PDZRN4: variants seen among roughly 807,000 people sequenced by gnomAD.
PDZRN4 encodes PDZ domain containing ring finger 4.
A neutral mutation model predicts 99.0 loss-of-function variants in PDZRN4; 70 were observed. The ratio of observed to expected loss-of-function variants is 0.71; its 90% CI spans 0.58 to 0.86. PDZRN4 has a LOEUF of 0.86. Among genes scored for constraint, PDZRN4 ranks in the 40% least tolerant of loss-of-function variants. The pLI is 0.00. For synonymous variants in PDZRN4, 551 were observed against 501.6 expected (o/e 1.10, Z -1.32); for missense variants, 1,474 against 1,331.2 (o/e 1.11, Z -1.67).
chr12:41,378,618 G>A (rs1487222422), intron 3 of PDZRN4, among the ~76,000 whole-genome samples: 1 of 147,286 alleles, frequency 6.8e-6, no homozygotes, highest in Non-Finnish European at 1.5e-5. Context: ...TGCCTCCCAG[G>A]TTCAAGCAAT....
chr12:41,312,476 G>A (rs1357728354), intron 3 of PDZRN4, among the ~76,000 whole-genome samples: 1 of 152,060 alleles, frequency 6.6e-6, no homozygotes, highest in Non-Finnish European at 1.5e-5. Context: ...GTATTAGTCT[G>A]TTCTCATGCC....
chr12:41,335,956 G>A (rs769178399), intron 3 of PDZRN4, among the ~76,000 whole-genome samples: 1 of 151,932 alleles, frequency 6.6e-6, no homozygotes, highest in Non-Finnish European at 1.5e-5. Flanking sequence ...TATCATTCTG[G>A]TGCACAGAAC....
intron 8 of PDZRN4, among the ~76,000 whole-genome samples, chr12:41,566,401 T>A (rs568702257): frequency 6.6e-6 from 1 of 152,320 alleles, no homozygotes; most frequent in Non-Finnish European, 1.5e-5. Context: ...TGAAAAAGAT[T>A]AAAGAATGTA....
At chr12:41,513,253 T>C (rs1197434589) in intron 5 of PDZRN4, among the ~76,000 whole-genome samples, 2 of 152,198 alleles carry the variant, frequency 1.3e-5, no homozygotes, top group Admixed American at 6.5e-5. Context: ...TTGGAGATAT[T>C]ATACTCAGTG....
At chr12:41,472,003 C>CTTTTTT (rs71081744) in intron 3 of PDZRN4, among the ~76,000 whole-genome samples, 2 of 140,182 alleles carry the variant, frequency 1.4e-5, no homozygotes, top group Admixed American at 7.2e-5. Flanking sequence ...TTCTATATTA[C>CTTTTTT]TTTTTTTTTT....
intron 3 of PDZRN4, among the ~76,000 whole-genome samples, chr12:41,425,525 A>C (rs1482218065): frequency 6.6e-6 from 1 of 152,152 alleles, no homozygotes; most frequent in Non-Finnish European, 1.5e-5. Context: ...ACACCAATGC[A>C]TAAAGGAGAG....
At chr12:41,449,768 G>T (rs146979613) in intron 3 of PDZRN4, among the ~76,000 whole-genome samples, 1 of 152,186 alleles carries the variant, frequency 6.6e-6, no homozygotes, top group Admixed American at 6.5e-5. Context: ...TAGTAATTGT[G>T]ATGCATCTCC....
intron 3 of PDZRN4, among the ~76,000 whole-genome samples, chr12:41,245,166 G>T (rs1418475521): frequency 3.3e-5 from 5 of 152,078 alleles, no homozygotes; most frequent in Non-Finnish European, 5.9e-5. Context: ...ATCCTCTTGT[G>T]TATTATATAT....
At chr12:41,562,463 A>G (rs1166995845) in intron 7 of PDZRN4, among the ~76,000 whole-genome samples, 1 of 152,134 alleles carries the variant, frequency 6.6e-6, no homozygotes, top group Non-Finnish European at 1.5e-5. Context: ...GTGCTGCTAC[A>G]TTTTCCATCT....
At chr12:41,244,839 C>G (rs1048942273) in intron 3 of PDZRN4, among the ~76,000 whole-genome samples, 9 of 136,110 alleles carry the variant, frequency 6.6e-5, no homozygotes, top group African/African-American at 2.4e-4. Context: ...CGCCCGCCAC[C>G]GCGCCCGGCT....
intron 3 of PDZRN4, among the ~76,000 whole-genome samples, chr12:41,444,306 T>C (rs1952705076): frequency 6.6e-6 from 1 of 151,996 alleles, no homozygotes; most frequent in South Asian, 2.1e-4. Flanking sequence ...GAGGTAAATA[T>C]CCAAGTATAT....
At chr12:41,248,986 T>C (rs76011417) in intron 3 of PDZRN4, among the ~76,000 whole-genome samples, 43 of 152,140 alleles carry the variant, frequency 2.8e-4, no homozygotes, top group African/African-American at 9.4e-4. Flanking sequence ...GCATAGTACT[T>C]AGATAGTTTT....
chr12:41,359,631 T>C (rs1347537412), intron 3 of PDZRN4, among the ~76,000 whole-genome samples: 1 of 151,798 alleles, frequency 6.6e-6, no homozygotes, highest in Admixed American at 6.6e-5. Context: ...TAAATGGGAG[T>C]TCCCCTGCAC....
At chr12:41,356,646 C>A (rs780587872) in intron 3 of PDZRN4, among the ~76,000 whole-genome samples, 3 of 151,876 alleles carry the variant, frequency 2.0e-5, no homozygotes, top group Non-Finnish European at 4.4e-5. Flanking sequence ...ATGTCTGATA[C>A]CATAATTATA....
In PDZRN4 at chr12:41,442,960, G is replaced by A. The variant is rs1952692809; in HGVS notation, c.844-63496G>A. Among the ~76,000 whole-genome samples, 5 of 152,234 alleles carry A rather than the reference G, an allele frequency of 3.3e-5. 1 individual carries two copies. The South Asian group carries it at 1.0e-3, about 32-fold the overall frequency. Reference sequence around the variant, plus strand: ...ACCTCTATTTTATTTGCTAGAATGAGGTGTCTGTTCCTTAAAATCAGAATA... The same window carrying A: ...ACCTCTATTTTATTTGCTAGAATGAAGTGTCTGTTCCTTAAAATCAGAATA... On this transcript the variant is annotated intron_variant, in intron 3 of 9. Transcript: ENST00000402685.
intron 3 of PDZRN4, among the ~76,000 whole-genome samples, chr12:41,392,145 G>A (rs1172053222): frequency 6.6e-6 from 1 of 152,016 alleles, no homozygotes; most frequent in Non-Finnish European, 1.5e-5. Flanking sequence ...CTGTCCTAAA[G>A]GCTTTGCTGT....
At chr12:41,291,785 G>A (rs1291492793) in intron 3 of PDZRN4, among the ~76,000 whole-genome samples, 1 of 152,074 alleles carries the variant, frequency 6.6e-6, no homozygotes, top group Admixed American at 6.6e-5. Context: ...AGGATCTATG[G>A]CAGGGTGGGC....
intron 9 of PDZRN4, among the ~76,000 whole-genome samples, chr12:41,569,184 A>G (rs182229749): frequency 3.4e-4 from 52 of 151,164 alleles, no homozygotes; most frequent in African/African-American, 1.2e-3. Context: ...CAGTGACACA[A>G]TCTCAGCTCA....
chr12:41,473,172 A>C (rs182023020), intron 3 of PDZRN4, among the ~76,000 whole-genome samples: 1 of 152,148 alleles, frequency 6.6e-6, no homozygotes, highest in Non-Finnish European at 1.5e-5. Context: ...CCATTTTTAG[A>C]GGTCAAAAAG....
Sources: gnomAD v4.1 joint callset for allele counts (sites outside exome capture counted in the v4.1 genomes callset) on GRCh38, gnomAD v4.1.1 for gene constraint, MANE v1.5 for transcripts, NCBI Gene and HGNC (gene_info 2026-07-23, HGNC 2026-07-21) for gene names.